The following ANKRD12 variants were observed in gnomAD, a reference collection of about 807,000 sequenced individuals.
The protein encoded by ANKRD12 is ankyrin repeat domain 12.
A neutral mutation model predicts 183.4 loss-of-function variants in ANKRD12; 85 were observed. The observed-to-expected ratio is 0.46, with a 90% CI of 0.39 to 0.56. The LOEUF is 0.56. ANKRD12 is among the 20% of genes least tolerant of loss of function. ANKRD12 has a pLI of 0.00. For missense variants in ANKRD12, 2,405 were observed against 2,357.1 expected (o/e 1.02, Z -0.42); for synonymous variants, 914 against 800.2 (o/e 1.14, Z -2.40).
chr18:9,280,358 T>C (rs1323423021), intron 12 of ANKRD12, among the ~76,000 whole-genome samples: 2 of 152,156 alleles, frequency 1.3e-5, no homozygotes, highest in African/African-American at 2.4e-5. Flanking sequence ...CCTCCTGCGG[T>C]GTGGCCCAGT....
At chr18:9,209,656 G>A (rs2035675953) in intron 5 of ANKRD12, among the ~76,000 whole-genome samples, 3 of 152,230 alleles carry the variant, frequency 2.0e-5, no homozygotes, top group East Asian at 1.9e-4. Flanking sequence ...AATAGAGTAC[G>A]TTGTGGTTAC....
intron 1 of ANKRD12, among the ~76,000 whole-genome samples, chr18:9,162,807 A>AG (rs747720340): frequency 1.0e-3 from 101 of 97,058 alleles, no homozygotes; most frequent in Non-Finnish European, 1.9e-3. Context: ...AGTGATATTG[A>AG]GTTTTTTTTC....
At position 9,254,477 on chromosome 18, in the gene ANKRD12, A is replaced by G. The variant is rs1375661271; in HGVS notation, c.1210A>G (p.Lys404Glu). The G allele has an allele frequency of 6.4e-7, 1 of 1,563,636 alleles. No homozygotes were observed. Among genetic ancestry groups the G allele is most frequent in the Non-Finnish European group, 8.6e-7 (1 of 1,161,212 alleles). ...AACTCATTTATTTGCAAAACAGGAG[A>G]AAGCCTTCTATCCTAAATCATTTAA... The part of the protein sequence containing the change: ...EKTHLFAKQE[K>E]AFYPKSFKSK... The change falls in exon 9 of 13, where the codon AAA becomes GAA. Residue 404 changes from lysine (K) to glutamate (E), a missense_variant. Transcript: ENST00000262126.
chr18:9,266,818 T>A lies in ANKRD12; in HGVS notation c.5763+2930T>A, dbSNP rs562025082. 2.0e-5 allele frequency among the ~76,000 whole-genome samples: 3 copies of A among 152,186 alleles called. No homozygotes were observed. In the East Asian group the frequency reaches 5.8e-4, roughly 29 times the overall value. ...AATGCTCCAATTAAAAGACACAGAC[T>A]GGCAAATTGGATAAAGAGTCAAGAC... is the stretch of plus-strand genomic sequence containing the variant. On this transcript the variant is annotated intron_variant, in intron 10 of 12. Transcript: ENST00000262126.
rs73396104 is a variant in ANKRD12, at chr18:9,273,034, G to A, written c.5764-2490G>A. On this transcript the variant is annotated intron_variant, in intron 10 of 12. Transcript: ENST00000262126. ...TTCTCACAGCCCAGTCTTCCATACA[G>A]GGCCAATAAAATGATGTATGTTATT... is the stretch of plus-strand genomic sequence containing the variant. 3.6e-3 allele frequency among the ~76,000 whole-genome samples: 555 copies of A among 152,184 alleles called. 2 individuals carry two copies. The highest frequency in any genetic ancestry group is 0.012 in the African/African-American group (515 of 41,508).
chr18:9,157,585 G>GTGTGTATATATATATA (rs1472659778), intron 1 of ANKRD12, among the ~76,000 whole-genome samples: 31 of 92,668 alleles, frequency 3.3e-4, no homozygotes, highest in African/African-American at 1.5e-3. Flanking sequence ...GTGTGTGTGT[G>GTGTGTATATATATATA]TATATATATA....
At position 9,257,848 on chromosome 18, in the gene ANKRD12, A is replaced by T; in HGVS notation, c.4581A>T (p.Ala1527=). The change falls in exon 9 of 13, where the codon GCA becomes GCT. Residue 1527 remains alanine (A), a synonymous_variant. Transcript: ENST00000262126. ...CAGGTATTTTACAACAAAAAAATGC[A>T]GTTCAGATTATTAGTTCTGCTTTAG... ...QEPGILQQKN[A]VQIISSALDT... The T allele has an allele frequency of 6.2e-7, 1 of 1,613,704 alleles. No individual in the cohort carries two copies. The highest frequency in any genetic ancestry group is 1.1e-5 in the South Asian group (1 of 91,034).
At chr18:9,251,585 G>A (rs2038300730) in intron 8 of ANKRD12, among the ~76,000 whole-genome samples, 1 of 152,096 alleles carries the variant, frequency 6.6e-6, no homozygotes, top group African/African-American at 2.4e-5. Flanking sequence ...CCTGAGGTCG[G>A]GAGTTCGAGA....
chr18:9,214,013 A>C (rs1189178750), intron 6 of ANKRD12, among the ~76,000 whole-genome samples: 1 of 152,064 alleles, frequency 6.6e-6, no homozygotes, highest in African/African-American at 2.4e-5. Flanking sequence ...ATAATTTAGC[A>C]CAGTGGAAAT....
chr18:9,181,590 T>C (rs2144170022), intron 1 of ANKRD12, among the ~76,000 whole-genome samples: 1 of 152,344 alleles, frequency 6.6e-6, no homozygotes, highest in South Asian at 2.1e-4. Flanking sequence ...CTGTGCTGTA[T>C]AGTACAGTGG....
intron 8 of ANKRD12, among the ~76,000 whole-genome samples, chr18:9,229,658 A>G (rs2036929599): frequency 6.6e-6 from 1 of 152,124 alleles, no homozygotes; most frequent in Non-Finnish European, 1.5e-5. Flanking sequence ...TTGACTTTGT[A>G]TCTGCAACGT....
intron 10 of ANKRD12, 115 bp from the exon 11 acceptor site, chr18:9,275,409 G>A: frequency 1.2e-6 from 1 of 824,286 alleles, no homozygotes; most frequent in Non-Finnish European, 1.8e-6. Context: ...GGAGGTCAAG[G>A]CTGCAGTGAG....
chr18:9,247,300 A>G (rs1282555759), intron 8 of ANKRD12, among the ~76,000 whole-genome samples: 4 of 149,194 alleles, frequency 2.7e-5, no homozygotes, highest in African/African-American at 7.4e-5. Flanking sequence ...GCAACAGCCA[A>G]CCTCATCTCT....
At chr18:9,259,844 T>C (rs1408324359) in intron 9 of ANKRD12, 2 of 152,286 alleles carry the variant, frequency 1.3e-5, no homozygotes, top group East Asian at 3.9e-4. Context: ...TTTTCACATC[T>C]GTAAAACAAG....
At chr18:9,185,440 T>C (rs2033982503) in intron 2 of ANKRD12, among the ~76,000 whole-genome samples, 1 of 152,208 alleles carries the variant, frequency 6.6e-6, no homozygotes, top group East Asian at 1.9e-4. Flanking sequence ...TTTCCATTAC[T>C]AGGTTAATGA....
In ANKRD12 at chr18:9,258,246, C is replaced by T. The variant is rs1423165981; in HGVS notation, c.4979C>T (p.Pro1660Leu). The change falls in exon 9 of 13, where the codon CCA becomes CTA. Residue 1660 changes from proline to leucine, a missense_variant. Transcript: ENST00000262126. ...SDLCEMNAGM[P>L]KGNLNEQDPK... is the part of the protein sequence containing the mutation. ...TTATGTGAAATGAATGCAGGGATGC[C>T]AAAAGGAAACCTAAATGAACAAGAT... is the stretch of plus-strand genomic sequence containing the variant. The T allele has an allele frequency of 2.2e-5, 35 of 1,613,630 alleles. No individual in the cohort carries two copies. Among genetic ancestry groups the T allele is most frequent in the Non-Finnish European group, 2.9e-5 (34 of 1,179,916 alleles).
Position 9,257,320 on chromosome 18 carries a change from C to A in ANKRD12, c.4053C>A (p.Phe1351Leu). ...DTSPSPKPEV[F>L]SNVPERDLSN... ...GTCCTTCTCCCAAACCTGAGGTATT[C>A]TCAAATGTGCCTGAAAGAGACCTTT... The change falls in exon 9 of 13, where the codon TTC (phenylalanine) becomes TTA (leucine). Residue 1351 changes from phenylalanine (F) to leucine (L), a missense_variant. Phe to Leu is a conservative substitution (Grantham distance 22). Transcript: ENST00000262126. 6.2e-7 allele frequency: 1 copy of A among 1,614,158 alleles called. No individual in the cohort carries two copies. Among genetic ancestry groups the A allele is most frequent in the Non-Finnish European group, 8.5e-7 (1 of 1,180,012 alleles).
At chr18:9,146,692 T>C (rs571913246) in intron 1 of ANKRD12, among the ~76,000 whole-genome samples, 399 of 152,312 alleles carry the variant, frequency 2.6e-3, no homozygotes, top group Non-Finnish European at 4.6e-3. Flanking sequence ...ATCAACATGC[T>C]TTGGCAGGGA....
At chr18:9,143,200 G>C (rs927989834) in intron 1 of ANKRD12, among the ~76,000 whole-genome samples, 2 of 150,806 alleles carry the variant, frequency 1.3e-5, no homozygotes, top group African/African-American at 4.9e-5. Context: ...CTTAAATATC[G>C]AGTTAAGAAA....
Sources: gnomAD v4.1 joint callset for allele counts (sites outside exome capture counted in the v4.1 genomes callset) on GRCh38, gnomAD v4.1.1 for gene constraint, MANE v1.5 for transcripts, NCBI Gene and HGNC (gene_info 2026-07-23, HGNC 2026-07-21) for gene names.